Variants in PAG1 observed in about 807,000 individuals in gnomAD.
The protein encoded by PAG1 is phosphoprotein associated with glycosphingolipid-enriched microdomains 1.
PAG1 carries 23 observed loss-of-function variants against 31.7 expected under a neutral mutation model. The observed-to-expected ratio is 0.73, with a 90% CI of 0.52 to 1.03. The LOEUF is 1.03. PAG1 is among the 50% of genes least tolerant of loss of function. The probability of loss-of-function intolerance (pLI) is 0.00; values close to 1 mark genes in which losing one functional copy is unlikely to be tolerated. For missense variants in PAG1, 473 were observed against 540.7 expected (o/e 0.87, Z 1.24); for synonymous variants, 214 against 210.3 (o/e 1.02, Z -0.15).
intron 1 of PAG1, among the ~76,000 whole-genome samples, chr8:81,083,928 G>A (rs1169256095): frequency 6.6e-6 from 1 of 152,056 alleles, no homozygotes; most frequent in Non-Finnish European, 1.5e-5. Flanking sequence ...CCAGCTACTT[G>A]GGAGGCCGAG....
chr8:81,098,345 G>A (rs1453650698), intron 1 of PAG1, among the ~76,000 whole-genome samples: 3 of 152,202 alleles, frequency 2.0e-5, no homozygotes, highest in African/African-American at 7.2e-5. Flanking sequence ...TCCTACTTCT[G>A]AGCTGTGTGG....
intron 3 of PAG1, among the ~76,000 whole-genome samples, chr8:81,024,009 CTAAT>C (rs1460709610): frequency 6.6e-6 from 1 of 152,138 alleles, no homozygotes; most frequent in Non-Finnish European, 1.5e-5. Context: ...ATTATAAAAA[CTAAT>C]TAAAGCCCCC....
intron 2 of PAG1, chr8:81,039,484 GA>G (rs779972593): frequency 2.0e-5 from 3 of 152,216 alleles, no homozygotes; most frequent in Non-Finnish European, 2.9e-5. Context: ...TCCTTGCCTA[GA>G]GCCATCAGAG....
chr8:81,031,884 GGAATAAA>G (rs531368700), intron 2 of PAG1, among the ~76,000 whole-genome samples: 102 of 152,314 alleles, frequency 6.7e-4, no homozygotes, highest in African/African-American at 2.3e-3. Context: ...TTAGCATCCA[GGAATAAA>G]CCCATATATT....
intron 7 of PAG1, among the ~76,000 whole-genome samples, chr8:80,980,785 C>T (rs1807284077): frequency 6.6e-6 from 1 of 152,154 alleles, no homozygotes; most frequent in African/African-American, 2.4e-5. Context: ...TCCTAATTGT[C>T]ACTGAAGGAT....
chr8:80,998,621 A>G (rs1308101037), intron 3 of PAG1, among the ~76,000 whole-genome samples: 1 of 151,922 alleles, frequency 6.6e-6, no homozygotes, highest in Non-Finnish European at 1.5e-5. Context: ...CAAATTAATG[A>G]AAGGTGCAGA....
chr8:80,985,527 G>T, intron 6 of PAG1, 150 bp from the exon 7 acceptor site: 4 of 710,142 alleles, frequency 5.6e-6, no homozygotes, highest in South Asian at 4.1e-5. Flanking sequence ...ACCATCAGTT[G>T]GTATCCTACT....
chr8:81,071,902 T>C (rs1232190006), intron 1 of PAG1, among the ~76,000 whole-genome samples: 1 of 152,192 alleles, frequency 6.6e-6, no homozygotes, highest in Non-Finnish European at 1.5e-5. Flanking sequence ...TTGTGACAAT[T>C]TCCCCATCAC....
intron 1 of PAG1, among the ~76,000 whole-genome samples, chr8:81,099,890 G>T (rs566282269): frequency 4.1e-4 from 62 of 152,194 alleles, no homozygotes; most frequent in Non-Finnish European, 8.1e-4. Context: ...CGATGAAGAT[G>T]ATGAAAAACT....
In PAG1 at chr8:80,974,161, T is replaced by A. The variant is rs991876135; in HGVS notation, c.*2383A>T. 6.6e-6 allele frequency: 1 copy of A among 150,986 alleles called. No individual in the cohort carries two copies. The highest frequency in any genetic ancestry group is 2.1e-4 in the South Asian group (1 of 4,770). The allele number at this position is 150,986 out of a possible 1,614,324, so 9.4% of individuals were successfully genotyped here. A position where few individuals can be genotyped will look rare whatever the true frequency, so the allele number is the denominator to read the frequency against. ...GAGCTTTCTATAAAAAGTTTTTTTT[T>A]TTTTTTTTTTTTTACTTTAGAGATC... On this transcript the variant is annotated 3_prime_UTR_variant, in exon 9 of 9. Coordinates refer to ENST00000220597, the MANE Select transcript of PAG1 (RefSeq NM_018440.4).
intron 2 of PAG1, among the ~76,000 whole-genome samples, chr8:81,064,224 C>T (rs183878589): frequency 9.2e-5 from 14 of 152,224 alleles, no homozygotes; most frequent in Middle Eastern, 3.4e-3. Flanking sequence ...GGGATGTTTT[C>T]GGGATGAAAC....
intron 3 of PAG1, among the ~76,000 whole-genome samples, chr8:81,009,280 C>A (rs1807939306): frequency 6.6e-6 from 1 of 152,114 alleles, no homozygotes; most frequent in African/African-American, 2.4e-5. Context: ...ATATTAATTT[C>A]TGAATAATGG....
chr8:81,100,343 T>C (rs774438541), intron 1 of PAG1, among the ~76,000 whole-genome samples: 7 of 152,208 alleles, frequency 4.6e-5, no homozygotes, highest in South Asian at 4.1e-4. Flanking sequence ...CACTTTTCGT[T>C]TGCGTAAAAA....
At chr8:81,066,712 T>G (rs964092330) in intron 2 of PAG1, among the ~76,000 whole-genome samples, 1 of 152,094 alleles carries the variant, frequency 6.6e-6, no homozygotes, top group South Asian at 2.1e-4. Flanking sequence ...GTAGCTTAGT[T>G]GATATTTCAA....
intron 2 of PAG1, among the ~76,000 whole-genome samples, chr8:81,046,545 T>C (rs1325675484): frequency 1.3e-5 from 2 of 152,230 alleles, no homozygotes; most frequent in Non-Finnish European, 2.9e-5. Flanking sequence ...AAGTTTCATA[T>C]TAAAATGTTT....
chr8:81,105,445 G>A (rs1809679185), intron 1 of PAG1, among the ~76,000 whole-genome samples: 1 of 152,080 alleles, frequency 6.6e-6, no homozygotes, highest in Non-Finnish European at 1.5e-5. Flanking sequence ...TGAATTAGAG[G>A]CTCACAGCCC....
At chr8:81,061,995 T>C (rs1808926636) in intron 2 of PAG1, among the ~76,000 whole-genome samples, 1 of 152,200 alleles carries the variant, frequency 6.6e-6, no homozygotes, top group Non-Finnish European at 1.5e-5. Flanking sequence ...ATTTTTGGTG[T>C]CTTTGAGGCA....
intron 1 of PAG1, among the ~76,000 whole-genome samples, chr8:81,083,887 T>C (rs1209258976): frequency 1.3e-5 from 2 of 151,876 alleles, no homozygotes; most frequent in Non-Finnish European, 2.9e-5. Flanking sequence ...ATATAAAAAT[T>C]AGCCAGGCGT....
chr8:81,111,257 G>A (rs1337424908), intron 1 of PAG1, among the ~76,000 whole-genome samples: 4 of 152,158 alleles, frequency 2.6e-5, no homozygotes, highest in African/African-American at 7.2e-5. Flanking sequence ...TTAGGATGGA[G>A]GTGACAAGAC....
Sources: allele counts gnomAD v4.1 joint callset (sites outside exome capture counted in the v4.1 genomes callset), GRCh38; gene constraint gnomAD v4.1.1; transcripts MANE v1.5; gene names NCBI Gene and HGNC (gene_info 2026-07-23, HGNC 2026-07-21).